Variants in DOCK4 observed in about 807,000 individuals in gnomAD.
DOCK4 encodes dedicator of cytokinesis 4, also known as dedicator of cytokinesis protein 4.
DOCK4 carries 97 observed loss-of-function variants against 268.1 expected under a neutral mutation model. That is an observed-to-expected ratio of 0.36 (90% CI 0.31 to 0.43). The LOEUF (loss-of-function observed/expected upper bound fraction) is 0.43, where lower values mean the gene tolerates loss of function less well. Ranked by LOEUF, DOCK4 falls within the 20% of genes least tolerant of loss-of-function variation. DOCK4 has a pLI of 1.00. For synonymous variants in DOCK4, 954 were observed against 887.2 expected (o/e 1.08, Z -1.34); for missense variants, 2,145 against 2,455.7 (o/e 0.87, Z 2.67).
At chr7:111,768,814 T>C (rs139861349) in intron 37 of DOCK4, among the ~76,000 whole-genome samples, 3 of 152,312 alleles carry the variant, frequency 2.0e-5, no homozygotes, top group African/African-American at 7.2e-5. Context: ...GTGTGAAGGA[T>C]GATAATGGTT....
At chr7:112,151,783 C>G (rs553017783) in intron 1 of DOCK4, among the ~76,000 whole-genome samples, 9 of 146,982 alleles carry the variant, frequency 6.1e-5, no homozygotes, top group African/African-American at 2.2e-4. Context: ...AAAAGGTACA[C>G]ATTAACATGA....
chr7:111,872,187 C>A, intron 19 of DOCK4, 82 bp downstream of exon 19: 1 of 1,354,856 alleles, frequency 7.4e-7, no homozygotes, highest in South Asian at 1.4e-5. Flanking sequence ...CATTATTAAG[C>A]ACATGTTTCT....
intron 1 of DOCK4, among the ~76,000 whole-genome samples, chr7:112,156,734 CT>C (rs1816646034): frequency 1.3e-5 from 2 of 152,046 alleles, no homozygotes; most frequent in Non-Finnish European, 2.9e-5. Context: ...ATATACTTGG[CT>C]ATAAAGACTA....
At chr7:112,135,344 G>A (rs1435266463) in intron 1 of DOCK4, among the ~76,000 whole-genome samples, 4 of 151,912 alleles carry the variant, frequency 2.6e-5, no homozygotes, top group Non-Finnish European at 5.9e-5. Flanking sequence ...TCAAAACTAA[G>A]CATCTATCTA....
At chr7:112,038,870 C>A (rs1298814933) in intron 1 of DOCK4, among the ~76,000 whole-genome samples, 1 of 152,232 alleles carries the variant, frequency 6.6e-6, no homozygotes, top group Non-Finnish European at 1.5e-5. Context: ...TCCAACTCGA[C>A]AGGAACTCTT....
chr7:111,991,259 C>T (rs1200503888), intron 5 of DOCK4, among the ~76,000 whole-genome samples: 1 of 152,150 alleles, frequency 6.6e-6, no homozygotes, highest in African/African-American at 2.4e-5. Flanking sequence ...GAAGAAAACC[C>T]AGGTGTGGCA....
chr7:111,907,843 C>T (rs1269552356), intron 13 of DOCK4, among the ~76,000 whole-genome samples: 1 of 152,148 alleles, frequency 6.6e-6, no homozygotes, highest in Non-Finnish European at 1.5e-5. Context: ...ATTCTACTAC[C>T]TCAGCCTCCT....
rs1448161175 is a variant in DOCK4, at chr7:111,855,840, C to T, written c.2473+7532G>A. ...TTCAATTTGTTATAGTATTTCCATC[C>T]TAATATATTTCTAATATAATACTGT... On this transcript the variant is annotated intron_variant, in intron 23 of 52. Transcript: ENST00000428084. Among the ~76,000 whole-genome samples, 5 of 152,256 alleles carry T rather than the reference C, an allele frequency of 3.3e-5. No individual in the cohort carries two copies. The East Asian group carries it at 9.6e-4, about 29-fold the overall frequency.
intron 16 of DOCK4, among the ~76,000 whole-genome samples, chr7:111,891,418 T>C (rs1327274667): frequency 6.6e-6 from 1 of 152,216 alleles, no homozygotes; most frequent in Non-Finnish European, 1.5e-5. Flanking sequence ...TATAAAATTA[T>C]CCTGTAAACA....
rs772089686 is a variant in DOCK4, at chr7:111,998,523, G to T, written c.163-20C>A. 47 of 1,568,178 alleles carry T rather than the reference G, an allele frequency of 3.0e-5. No individual in the cohort carries two copies. The highest frequency in any genetic ancestry group is 5.9e-5 in the South Asian group (5 of 84,858). ...TATACCCTGGAAAAGAAAACATGAA[G>T]GTTACGATGCCGGCTGTTAAGGCAG... On this transcript the variant is annotated intron_variant, in intron 3 of 52. Coordinates refer to ENST00000428084, the MANE Select transcript of DOCK4 (RefSeq NM_001363540.2).
At chr7:111,906,802 G>A (rs1791617388) in intron 13 of DOCK4, among the ~76,000 whole-genome samples, 1 of 152,160 alleles carries the variant, frequency 6.6e-6, no homozygotes, top group Non-Finnish European at 1.5e-5. Flanking sequence ...GCCAAGGAGT[G>A]CAGGCAGCTT....
chr7:112,153,413 C>T lies in DOCK4; in HGVS notation c.37+52689G>A, dbSNP rs542546281. ...AATTTAGTTCCATGTCCACCAGCTGCTACACTTTACATTTAAGGTTAATGT... is the reference window on the plus strand; with the variant it reads ...AATTTAGTTCCATGTCCACCAGCTGTTACACTTTACATTTAAGGTTAATGT... On this transcript the variant is annotated intron_variant, in intron 1 of 52. Transcript: ENST00000428084. Among the ~76,000 whole-genome samples, 14 of 152,242 alleles carry T rather than the reference C, an allele frequency of 9.2e-5. No individual in the cohort carries two copies. In the South Asian group the frequency reaches 2.9e-3, roughly 32 times the overall value.
chr7:111,957,516 G>C lies in DOCK4; in HGVS notation c.702-11718C>G, dbSNP rs559003322. Reference sequence around the variant, plus strand: ...AACAACCTGGAAAAAATACTTGCTTGAGTATTTTGAACATCAGTAGACTAC... The same window carrying C: ...AACAACCTGGAAAAAATACTTGCTTCAGTATTTTGAACATCAGTAGACTAC... On this transcript the variant is annotated intron_variant, in intron 8 of 52. Transcript: ENST00000428084. Among the ~76,000 whole-genome samples, 45 of 152,224 alleles carry C rather than the reference G, an allele frequency of 3.0e-4. 1 individual carries two copies. The East Asian group carries it at 6.6e-3, about 22-fold the overall frequency.
Position 112,083,831 on chromosome 7 carries a change from T to C in DOCK4, c.38-79700A>G, listed in dbSNP as rs896544166. Among the ~76,000 whole-genome samples, 8 of 152,138 alleles carry C rather than the reference T, an allele frequency of 5.3e-5. No homozygotes were observed. In the South Asian group the frequency reaches 8.3e-4, roughly 16 times the overall value. On this transcript the variant is annotated intron_variant, in intron 1 of 52. Transcript: ENST00000428084. ...GCTTAGTTTAGTACGGTAAATTAGATTGGTATTTGGCAAATAATCACTTTT... is the reference window on the plus strand; with the variant it reads ...GCTTAGTTTAGTACGGTAAATTAGACTGGTATTTGGCAAATAATCACTTTT...
rs574317634 is a variant in DOCK4 at position 111,768,046 on chromosome 7, G to A, written c.3829-928C>T. Among the ~76,000 whole-genome samples, 7 of 152,244 alleles carry A rather than the reference G, an allele frequency of 4.6e-5. No individual in the cohort carries two copies. The South Asian group carries it at 8.3e-4, about 18-fold the overall frequency. ...GCCATAGACACAATTAAGCATGGCT[G>A]TGTTCCAATAAGAATTTAGGGACAC... is the stretch of plus-strand genomic sequence containing the variant. On this transcript the variant is annotated intron_variant, in intron 37 of 52. Coordinates refer to ENST00000428084, the MANE Select transcript of DOCK4 (RefSeq NM_001363540.2).
chr7:112,157,124 AT>A (rs1816684206), intron 1 of DOCK4, among the ~76,000 whole-genome samples: 2 of 151,546 alleles, frequency 1.3e-5, no homozygotes, highest in Non-Finnish European at 1.5e-5. Flanking sequence ...TGAGACTCAA[AT>A]TTTTTTTTAA....
chr7:112,003,547 A>C (rs1800613076), intron 2 of DOCK4, among the ~76,000 whole-genome samples: 1 of 152,264 alleles, frequency 6.6e-6, no homozygotes, highest in Admixed American at 6.5e-5. Flanking sequence ...CATCATACAA[A>C]GTCAGACAAT....
intron 3 of DOCK4, among the ~76,000 whole-genome samples, 164 bp from the exon 4 acceptor site, chr7:111,998,667 T>A (rs1032026073): frequency 1.3e-5 from 2 of 152,174 alleles, no homozygotes; most frequent in Non-Finnish European, 2.9e-5. Flanking sequence ...TGGCTTAAGA[T>A]CCATCCTTTC....
intron 1 of DOCK4, among the ~76,000 whole-genome samples, chr7:112,119,358 C>A (rs1812489114): frequency 6.6e-6 from 1 of 151,978 alleles, no homozygotes. Context: ...TGAAGGGGTA[C>A]AATAAAGGGC....
Sources: allele counts gnomAD v4.1 joint callset (sites outside exome capture counted in the v4.1 genomes callset), GRCh38; gene constraint gnomAD v4.1.1; transcripts MANE v1.5; gene names NCBI Gene and HGNC (gene_info 2026-07-23, HGNC 2026-07-21).